The following POU2F3 variants were observed in gnomAD, a reference collection of about 807,000 sequenced individuals.
POU2F3 encodes POU class 2 homeobox 3.
In POU2F3, 23 loss-of-function variants were observed where a neutral mutation model predicts 59.2. The ratio of observed to expected loss-of-function variants is 0.39; its 90% CI spans 0.28 to 0.55. POU2F3 has a LOEUF of 0.55. Ranked by LOEUF, POU2F3 falls within the 20% of genes least tolerant of loss-of-function variation. POU2F3 has a pLI of 0.66. For missense variants in POU2F3, 473 were observed against 544.5 expected (o/e 0.87, Z 1.31); for synonymous variants, 190 against 214.6 (o/e 0.89, Z 1.00).
chr11:120,243,757 T>C (rs895145479), intron 1 of POU2F3, among the ~76,000 whole-genome samples: 16 of 152,200 alleles, frequency 1.1e-4, no homozygotes, highest in African/African-American at 3.6e-4. Flanking sequence ...GAACAGGTTC[T>C]CAGTGTCTTA....
upstream of POU2F3, among the ~76,000 whole-genome samples, chr11:120,238,293 C>T (rs916607844): frequency 6.6e-6 from 1 of 152,028 alleles, no homozygotes; most frequent in Non-Finnish European, 1.5e-5. Flanking sequence ...CCCTTCTTTT[C>T]GGGAGCGTGG....
At chr11:120,299,437 A>G (rs1941282055) in intron 4 of POU2F3, among the ~76,000 whole-genome samples, 187 bp from the exon 5 acceptor site, 1 of 152,206 alleles carries the variant, frequency 6.6e-6, no homozygotes, top group Non-Finnish European at 1.5e-5. Flanking sequence ...CAGAAGCTGT[A>G]ACAATACCAG....
chr11:120,242,377 C>T (rs566581297), intron 1 of POU2F3, among the ~76,000 whole-genome samples: 5 of 152,254 alleles, frequency 3.3e-5, no homozygotes, highest in African/African-American at 9.6e-5. Context: ...GAAGGAGGAT[C>T]GCTCTTCCCT....
intron 12 of POU2F3, among the ~76,000 whole-genome samples, chr11:120,317,768 A>C (rs1385411198): frequency 6.6e-6 from 1 of 152,168 alleles, no homozygotes; most frequent in Non-Finnish European, 1.5e-5. Flanking sequence ...TGACACAGGG[A>C]AAGGGGGAAG....
intron 12 of POU2F3, 85 bp downstream of exon 12, chr11:120,317,449 C>G (rs1253616927): frequency 6.4e-7 from 1 of 1,552,380 alleles, no homozygotes; most frequent in African/African-American, 1.4e-5. Context: ...GGAAAGAAAG[C>G]TTGTCATAGA....
intron 3 of POU2F3, among the ~76,000 whole-genome samples, chr11:120,278,151 T>G (rs531717044): frequency 8.5e-4 from 129 of 152,170 alleles, no homozygotes; most frequent in Non-Finnish European, 6.8e-4. Flanking sequence ...AAAAATAGAG[T>G]TGGGTTTTGG....
intron 3 of POU2F3, among the ~76,000 whole-genome samples, chr11:120,287,433 A>G (rs1483225623): frequency 6.6e-6 from 1 of 152,226 alleles, no homozygotes; most frequent in Non-Finnish European, 1.5e-5. Flanking sequence ...TGCAAAATTC[A>G]TATCTTCAAT....
chr11:120,268,396 A>G (rs964809122), intron 2 of POU2F3, among the ~76,000 whole-genome samples: 11 of 152,192 alleles, frequency 7.2e-5, no homozygotes, highest in Non-Finnish European at 1.5e-4. Flanking sequence ...GCTGGAGTGC[A>G]GTGGCACAAT....
At position 120,269,226 on chromosome 11, in the gene POU2F3, C is replaced by T. The variant is rs267602727; in HGVS notation, c.114C>T (p.Gly38=). The T allele has an allele frequency of 6.3e-7, 1 of 1,590,262 alleles. No individual in the cohort carries two copies. Among genetic ancestry groups the T allele is most frequent in the Non-Finnish European group, 8.6e-7 (1 of 1,158,580 alleles). The change falls in exon 3 of 13, where the codon GGC becomes GGT. Residue 38 remains glycine (G), a synonymous_variant. Coordinates refer to ENST00000543440, the MANE Select transcript of POU2F3 (RefSeq NM_014352.4). ...SQVEPGNDRN[G]LDFNRQIKTE... ...CTTTTCTAGGAAATGATCGAAATGG[C>T]CTAGATTTCAACAGGCAGGTAAGAA...
At chr11:120,296,166 C>T (rs149049896) in intron 3 of POU2F3, among the ~76,000 whole-genome samples, 5 of 152,324 alleles carry the variant, frequency 3.3e-5, no homozygotes, top group Non-Finnish European at 5.9e-5. Context: ...AAATTAGAGT[C>T]GGAGTTAGGG....
intron 2 of POU2F3, among the ~76,000 whole-genome samples, chr11:120,251,969 T>G (rs1167842003): frequency 6.6e-6 from 1 of 151,836 alleles, no homozygotes; most frequent in African/African-American, 2.4e-5. Flanking sequence ...TAATTTTTTG[T>G]ATTTTTAGTA....
chr11:120,317,091 T>A, intron 11 of POU2F3, 138 bp from the exon 12 acceptor site: 1 of 949,118 alleles, frequency 1.1e-6, no homozygotes, highest in South Asian at 1.5e-5. Flanking sequence ...CAGGAGGTAG[T>A]CAGGTGGGTG....
intron 2 of POU2F3, among the ~76,000 whole-genome samples, chr11:120,257,440 G>T (rs538045507): frequency 1.3e-5 from 2 of 151,734 alleles, no homozygotes; most frequent in African/African-American, 4.9e-5. Context: ...GCCACATCTC[G>T]GGGTCACCAT....
chr11:120,316,066 GT>G (rs1297820129), intron 11 of POU2F3, among the ~76,000 whole-genome samples: 8 of 151,844 alleles, frequency 5.3e-5, no homozygotes, highest in Non-Finnish European at 1.2e-4. Flanking sequence ...TAGAGACAGG[GT>G]TTCTCCATGT....
Position 120,305,752 on chromosome 11 carries a change from A to G in POU2F3, c.736A>G (p.Lys246Glu). Residue 246 changes from lysine (K) to glutamate (E), a missense_variant, in exon 8 of 13, where the codon AAG becomes GAG. Physicochemically the swap from Lys to Glu is moderately conservative, Grantham distance 56. Transcript: ENST00000543440. ...NLSFKNMCKL[K>E]PLLEKWLNDA... ...GAGCTTCAAGAACATGTGCAAGCTC[A>G]AGCCCCTGCTGGAGAAGTGGCTGAA... The G allele has an allele frequency of 6.2e-7, 1 of 1,613,848 alleles. No individual in the cohort carries two copies. Among genetic ancestry groups the G allele is most frequent in the Admixed American group, 1.7e-5 (1 of 60,022 alleles).
intron 3 of POU2F3, among the ~76,000 whole-genome samples, chr11:120,276,664 G>C (rs1940338982): frequency 1.3e-5 from 2 of 152,092 alleles, no homozygotes; most frequent in South Asian, 4.2e-4. Context: ...GGGTTTTCAG[G>C]GTCAGTCTAT....
chr11:120,250,954 G>A (rs916588066), intron 2 of POU2F3, among the ~76,000 whole-genome samples: 1 of 151,692 alleles, frequency 6.6e-6, no homozygotes, highest in Non-Finnish European at 1.5e-5. Context: ...TCCAGCCTGG[G>A]TGACAGAGCA....
intron 5 of POU2F3, among the ~76,000 whole-genome samples, chr11:120,300,184 A>G (rs553078314): frequency 6.6e-6 from 1 of 152,290 alleles, no homozygotes; most frequent in Non-Finnish European, 1.5e-5. Context: ...AAGGGTGTTC[A>G]GGTTTTCTTT....
chr11:120,307,761 C>T (rs1672767215), intron 9 of POU2F3, 146 bp downstream of exon 9: 17 of 1,112,910 alleles, frequency 1.5e-5, no homozygotes, highest in Admixed American at 1.3e-4. Context: ...CCACTCCAGG[C>T]GCCCAGGTAT....
Sources: gnomAD v4.1 joint callset for allele counts (sites outside exome capture counted in the v4.1 genomes callset) on GRCh38, gnomAD v4.1.1 for gene constraint, MANE v1.5 for transcripts, NCBI Gene and HGNC (gene_info 2026-07-23, HGNC 2026-07-21) for gene names.